PCM1: variants seen among roughly 807,000 people sequenced by gnomAD.
The protein encoded by PCM1 is pericentriolar material 1 protein.
A neutral mutation model predicts 241.9 loss-of-function variants in PCM1; 157 were observed. The observed-to-expected ratio is 0.65, with a 90% confidence interval of 0.57 to 0.74. PCM1 has a LOEUF of 0.74. PCM1 is among the 30% of genes least tolerant of loss of function. The pLI is 0.00. For missense variants in PCM1, 3,478 were observed against 2,360.1 expected (o/e 1.47, Z -9.81); for synonymous variants, 1,085 against 784.9 (o/e 1.38, Z -6.39).
chr8:17,950,231 C>G (rs1400765432), intron 7 of PCM1, among the ~76,000 whole-genome samples: 1 of 152,200 alleles, frequency 6.6e-6, no homozygotes, highest in Non-Finnish European at 1.5e-5. Flanking sequence ...AGAATTGATT[C>G]TATTCAAGAA....
chr8:18,008,829 A>C (rs1306020973), intron 30 of PCM1, among the ~76,000 whole-genome samples: 2 of 152,160 alleles, frequency 1.3e-5, no homozygotes, highest in Non-Finnish European at 2.9e-5. Flanking sequence ...CATTTACAGA[A>C]CAAGAACAGT....
intron 29 of PCM1, among the ~76,000 whole-genome samples, chr8:17,994,979 C>G (rs577047634): frequency 6.6e-6 from 1 of 151,470 alleles, no homozygotes; most frequent in East Asian, 1.9e-4. Flanking sequence ...TGTGGGTTGT[C>G]TCTTCACTTT....
At chr8:17,954,791 G>A (rs1265241158) in intron 9 of PCM1, among the ~76,000 whole-genome samples, 1 of 152,176 alleles carries the variant, frequency 6.6e-6, no homozygotes, top group Non-Finnish European at 1.5e-5. Flanking sequence ...ATATTTGATA[G>A]TAACAGAAGT....
intron 26 of PCM1, 27 bp from the exon 27 acceptor site, chr8:17,989,832 A>C (rs2083899751): frequency 6.9e-7 from 1 of 1,455,410 alleles, no homozygotes; most frequent in Non-Finnish European, 9.3e-7. Flanking sequence ...AGTATTAGTG[A>C]TTTTTGTTTG....
chr8:18,016,680 A>G (rs535490664), intron 36 of PCM1, among the ~76,000 whole-genome samples: 2 of 152,354 alleles, frequency 1.3e-5, no homozygotes, highest in East Asian at 1.9e-4. Flanking sequence ...AATTGTATGT[A>G]GGGAGTGATT....
At position 17,935,606 on chromosome 8, in the gene PCM1, C is replaced by G. The variant is rs1382176837; in HGVS notation, c.-5C>G. On this transcript the variant is annotated 5_prime_UTR_variant, in exon 3 of 39. In the 5' UTR this introduces an upstream ATG that the reference lacks. Transcript: ENST00000325083. ...TTTCGCAGAGAGTTAATTGTTAAAT[C>G]CAGTATGGCCACAGGAGGAGGTCCC... The G allele has an allele frequency of 1.5e-6, 2 of 1,357,854 alleles. No individual in the cohort carries two copies. The highest frequency in any genetic ancestry group is 1.7e-5 in the Admixed American group (1 of 59,252). The allele number at this position is 1,357,854 out of a possible 1,614,324, so 84.1% of individuals were successfully genotyped here. A position where few individuals can be genotyped will look rare whatever the true frequency, so the allele number is the denominator to read the frequency against.
At chr8:17,988,987 A>G (rs1423932328) in intron 26 of PCM1, among the ~76,000 whole-genome samples, 2 of 152,024 alleles carry the variant, frequency 1.3e-5, no homozygotes, top group African/African-American at 2.4e-5. Context: ...ATGCATCACA[A>G]AAACACTTGC....
Position 18,009,614 on chromosome 8 carries a change from C to T in PCM1, c.5030C>T (p.Ser1677Phe). Residue 1677 changes from serine to phenylalanine, a missense_variant, in exon 31 of 39, where the codon TCT (serine) becomes TTT (phenylalanine). Ser to Phe is a radical substitution (Grantham distance 155). Transcript: ENST00000325083. ...DCGEDLLVEI[S>F]EVLFNELAFF... ...GGAGAAGATCTTCTTGTAGAGATAT[C>T]TGAAGTGTTGTTCAATGAATTGGCT... The T allele has an allele frequency of 6.3e-7, 1 of 1,599,070 alleles. No homozygotes were observed. The highest frequency in any genetic ancestry group is 8.5e-7 in the Non-Finnish European group (1 of 1,172,412).
chr8:17,955,456 TGTG>T lies in PCM1; in HGVS notation c.1289-13_1289-11del. 1.3e-6 allele frequency: 2 copies of T among 1,551,452 alleles called. No homozygotes were observed. Among genetic ancestry groups the T allele is most frequent in the South Asian group, 2.5e-5 (2 of 80,840 alleles). ...GTGATTAAAAAAAATTTTTTGTTGT[TGTG>T]CCTTCTTCAGCCTCTCCACAAAGGA... On this transcript the variant is annotated splice_polypyrimidine_tract_variant and intron_variant, in intron 9 of 38. Transcript: ENST00000325083.
Position 17,939,713 on chromosome 8 carries a change from T to G in PCM1, c.635T>G (p.Ile212Ser), listed in dbSNP as rs770298540. ...SSQIVSRLVQ[I>S]RDYITKASSM... Reference sequence around the variant, plus strand: ...CAGATTGTAAGCAGGCTTGTTCAAATTCGCGATTATATTACTAAAGCTAGT... The same window carrying G: ...CAGATTGTAAGCAGGCTTGTTCAAAGTCGCGATTATATTACTAAAGCTAGT... The change falls in exon 6 of 39, where the codon ATT becomes AGT. Residue 212 changes from isoleucine to serine, a missense_variant. Physicochemically the swap from Ile to Ser is moderately radical, Grantham distance 142. Coordinates refer to ENST00000325083, the MANE Select transcript of PCM1 (RefSeq NM_006197.4). 1.3e-6 allele frequency: 2 copies of G among 1,540,442 alleles called. No homozygotes were observed. Among genetic ancestry groups the G allele is most frequent in the Non-Finnish European group, 8.7e-7 (1 of 1,143,098 alleles).
chr8:17,928,191 G>C (rs1374275527), intron 2 of PCM1, among the ~76,000 whole-genome samples: 3 of 152,036 alleles, frequency 2.0e-5, no homozygotes, highest in Non-Finnish European at 4.4e-5. Context: ...TTCAACCTTG[G>C]GTGGATTCAG....
rs778829261 is a variant in PCM1 at position 17,960,104 on chromosome 8, A to G, written c.2131A>G (p.Asn711Asp). The change falls in exon 14 of 39, where the codon AAT becomes GAT. Residue 711 changes from asparagine (N) to aspartate (D), a missense_variant. By Grantham distance (23) the Asn-to-Asp change is conservative (BLOSUM62 1). Coordinates refer to ENST00000325083, the MANE Select transcript of PCM1 (RefSeq NM_006197.4). ...PAEEDTKQNSNNTRGNANKTQ... is the reference protein window; with the variant it reads ...PAEEDTKQNSDNTRGNANKTQ... ...AGAAGAAGACACCAAGCAAAATTCA[A>G]ATAACACTAGAGGAAATGCCAATAA... 8.0e-5 allele frequency: 128 copies of G among 1,605,932 alleles called. No individual in the cohort carries two copies. Among genetic ancestry groups the G allele is most frequent in the Non-Finnish European group, 1.1e-4 (126 of 1,175,284 alleles).
Position 17,944,920 on chromosome 8 carries a change from TCA to T in PCM1, c.784-2263_784-2262del, listed in dbSNP as rs1454344441. Among the ~76,000 whole-genome samples, 6 of 152,312 alleles carry T rather than the reference TCA, an allele frequency of 3.9e-5. No individual in the cohort carries two copies. In the East Asian group the frequency reaches 1.2e-3, roughly 29 times the overall value. On this transcript the variant is annotated intron_variant, in intron 6 of 38. Coordinates refer to ENST00000325083, the MANE Select transcript of PCM1 (RefSeq NM_006197.4). ...CTTAGAATTCTTTATGATTAGGTTA[TCA>T]CAGTTTTGTGACTAATAAGGATTAA...
intron 36 of PCM1, among the ~76,000 whole-genome samples, chr8:18,024,159 G>T (rs1003648597): frequency 7.9e-5 from 12 of 152,114 alleles, no homozygotes; most frequent in Admixed American, 2.0e-4. Flanking sequence ...GAACTAAAAG[G>T]AGTTTGAGAG....
intron 29 of PCM1, among the ~76,000 whole-genome samples, chr8:17,994,831 C>G (rs781394123): frequency 1.3e-5 from 2 of 151,566 alleles, no homozygotes; most frequent in African/African-American, 2.4e-5. Flanking sequence ...TGTATGTCGT[C>G]TTTTGAGAAG....
At chr8:17,943,971 T>C (rs534631954) in intron 6 of PCM1, among the ~76,000 whole-genome samples, 11 of 152,266 alleles carry the variant, frequency 7.2e-5, no homozygotes, top group South Asian at 4.1e-4. Flanking sequence ...CATTCCACTT[T>C]ATGAAATATT....
At chr8:17,983,840 A>C (rs768612407) in intron 24 of PCM1, among the ~76,000 whole-genome samples, 1 of 152,166 alleles carries the variant, frequency 6.6e-6, no homozygotes, top group Non-Finnish European at 1.5e-5. Flanking sequence ...GCAGCTTTAC[A>C]TGAATGAAAA....
At chr8:18,016,310 A>G (rs1020435027) in intron 36 of PCM1, among the ~76,000 whole-genome samples, 7 of 152,284 alleles carry the variant, frequency 4.6e-5, no homozygotes, top group African/African-American at 1.7e-4. Flanking sequence ...TGGGTTCATT[A>G]ACACCTAAAG....
Position 18,026,163 on chromosome 8 carries a change from CTGAAACAAAAAAAAAAAA to C in PCM1, c.6049+506_6049+523del, listed in dbSNP as rs1207626438. On this transcript the variant is annotated intron_variant, in intron 38 of 38. Coordinates refer to ENST00000325083, the MANE Select transcript of PCM1 (RefSeq NM_006197.4). ...TGGGTGAAAGAGCGAGACTCCCTCT[CTGAAACAAAAAAAAAAAA>C]AAAAAAAAAAAAAAAAAAAATGTAG... is the stretch of plus-strand genomic sequence containing the variant. 2.2e-4 allele frequency among the ~76,000 whole-genome samples: 12 copies of C among 53,676 alleles called. 1 individual carries two copies. The highest frequency in any genetic ancestry group is 3.3e-4 in the Admixed American group (1 of 3,006). 35.2% of individuals were successfully genotyped at this position (53,676 alleles called of 152,430 possible). A position where few individuals can be genotyped will look rare whatever the true frequency, so the allele number is the denominator to read the frequency against.
Sources: gnomAD v4.1 joint callset for allele counts (sites outside exome capture counted in the v4.1 genomes callset) on GRCh38, gnomAD v4.1.1 for gene constraint, MANE v1.5 for transcripts, NCBI Gene and HGNC (gene_info 2026-07-23, HGNC 2026-07-21) for gene names.